The following MAX variants were observed in gnomAD, a reference collection of about 807,000 sequenced individuals.
The protein encoded by MAX is MYC associated transcriptional regulator X.
Under a neutral mutation model 22.3 loss-of-function variants are expected in MAX, and 3 were observed. The ratio of observed to expected loss-of-function variants is 0.13; its 90% CI spans 0.06 to 0.35. MAX has a LOEUF of 0.35. MAX is among the 10% of genes least tolerant of loss of function. The pLI, the probability that MAX is intolerant of heterozygous loss-of-function variation, is 1.00. For missense variants in MAX, 119 were observed against 209.4 expected, an observed-to-expected ratio of 0.57 and a Z score of 2.66; for synonymous variants, 72 against 77.7, an observed-to-expected ratio of 0.93 and a Z score of 0.39.
chr14:65,015,410 CTTTTT>C lies in MAX; in HGVS notation c.172-9131_172-9127del, dbSNP rs888923691. 2.3e-3 allele frequency: 353 copies of C among 155,582 alleles called. 1 individual carries two copies. Among genetic ancestry groups the C allele is most frequent in the Admixed American group, 0.014 (170 of 11,882 alleles). 9.6% of individuals were successfully genotyped at this position (155,582 alleles called of 1,614,324 possible). ...GAACCACCGCGCCCAGCCTTGTTATCTTTTTTTTTTTTTTTTTTTTTTTTAACAGA... is the reference window on the plus strand; with the variant it reads ...GAACCACCGCGCCCAGCCTTGTTATCTTTTTTTTTTTTTTTTTTTAACAGA... On this transcript the variant is annotated intron_variant, in intron 3 of 3. Coordinates refer to the MAX transcript ENST00000341653.
intron 3 of MAX, among the ~76,000 whole-genome samples, chr14:65,064,773 A>G (rs1293097225): frequency 6.6e-6 from 1 of 152,258 alleles, no homozygotes; most frequent in East Asian, 1.9e-4. Context: ...CTCCAAATGC[A>G]AATTAGGATT....
chr14:65,053,300 C>G, intron 3 of MAX: 2 of 1,463,270 alleles, frequency 1.4e-6, no homozygotes, highest in Non-Finnish European at 1.8e-6. Context: ...GGAGTACATC[C>G]TGATGTGCTG....
At chr14:65,101,371 T>C (rs576153156) in intron 2 of MAX, among the ~76,000 whole-genome samples, 175 bp downstream of exon 2, 6 of 152,292 alleles carry the variant, frequency 3.9e-5, no homozygotes, top group Admixed American at 3.9e-4. Context: ...GAATCTAGAA[T>C]AATGGGATTT....
In MAX at chr14:65,047,288, G is replaced by A. The variant is rs1259088011; in HGVS notation, c.172-41004C>T. ...TACAGATGAGGAAACAAACTACAGTGAGGTTAAGTGATTGCTTTATAATAC... is the reference window on the plus strand; with the variant it reads ...TACAGATGAGGAAACAAACTACAGTAAGGTTAAGTGATTGCTTTATAATAC... On this transcript the variant is annotated intron_variant, in intron 3 of 3. Coordinates refer to the MAX transcript ENST00000341653. The surrounding 1 kb of genome is among the most constrained non-coding windows in gnomAD (Gnocchi z 5.2). Among the ~76,000 whole-genome samples, 1 of 152,216 alleles carries A rather than the reference G, an allele frequency of 6.6e-6. No homozygotes were observed. Among genetic ancestry groups the A allele is most frequent in the Non-Finnish European group, 1.5e-5 (1 of 68,046 alleles).
In MAX at chr14:65,027,030, A is replaced by C. The variant is rs953620048; in HGVS notation, c.172-20746T>G. Among the ~76,000 whole-genome samples the C allele has an allele frequency of 1.3e-5, 2 of 152,170 alleles. No homozygotes were observed. The highest frequency in any genetic ancestry group is 4.8e-5 in the African/African-American group (2 of 41,442). On this transcript the variant is annotated intron_variant, in intron 3 of 3. Coordinates refer to the MAX transcript ENST00000341653. This position sits in a 1 kb window ranked among gnomAD's most constrained non-coding sequence, Gnocchi z 5.7. ...TGGTTAGTGTGGAAAGAAGCAGTTGAGCACCATGTTTTGGCAAAATTCAAA... is the reference window on the plus strand; with the variant it reads ...TGGTTAGTGTGGAAAGAAGCAGTTGCGCACCATGTTTTGGCAAAATTCAAA...
At chr14:65,034,610 G>C (rs2062150588) in intron 3 of MAX, among the ~76,000 whole-genome samples, 4 of 152,222 alleles carry the variant, frequency 2.6e-5, no homozygotes, top group Admixed American at 2.6e-4. Context: ...AGCTATAGTT[G>C]AGAGCTGGAG....
chr14:65,077,397 G>C lies in MAX; in HGVS notation c.295+516C>G. The C allele has an allele frequency of 6.2e-7, 1 of 1,613,774 alleles. No individual in the cohort carries two copies. Among genetic ancestry groups the C allele is most frequent in the South Asian group, 1.1e-5 (1 of 91,070 alleles). On this transcript the variant is annotated intron_variant, in intron 4 of 4. Transcript: ENST00000358664. This position sits in a 1 kb window ranked among gnomAD's most constrained non-coding sequence, Gnocchi z 6.3. ...GGAGGAAGAGAAGTGAATTCCCCAG[G>C]AACAAAGAACTTGATCAGCTCTCGC...
intron 3 of MAX, among the ~76,000 whole-genome samples, chr14:65,043,217 T>A (rs1245273103): frequency 1.3e-5 from 2 of 152,178 alleles, no homozygotes; most frequent in East Asian, 3.8e-4. Context: ...GCCAGTTGGT[T>A]CTGCTCATTC....
downstream of MAX, among the ~76,000 whole-genome samples, chr14:65,071,644 T>C (rs563986839): frequency 4.6e-5 from 7 of 152,364 alleles, no homozygotes; most frequent in South Asian, 1.4e-3. This position sits in a 1 kb window ranked among gnomAD's most constrained non-coding sequence, Gnocchi z 4.2. Flanking sequence ...CAGAGCAATG[T>C]CACCCCAAAG....
chr14:65,097,260 C>T (rs1405048995), intron 2 of MAX, among the ~76,000 whole-genome samples: 1 of 152,196 alleles, frequency 6.6e-6, no homozygotes, highest in African/African-American at 2.4e-5. Context: ...CAAGAAGTTG[C>T]TATGTTGGCA....
rs71123901 is a variant in MAX, at chr14:65,020,733, CT to C, written c.172-14450del. ...ACAGGCATGAGCCACCGCGCCCGGCCTTTTTTTTTTTTTTTTGAGACGGAGT... is the reference window on the plus strand; with the variant it reads ...ACAGGCATGAGCCACCGCGCCCGGCCTTTTTTTTTTTTTTTGAGACGGAGT... On this transcript the variant is annotated intron_variant, in intron 3 of 3. Coordinates refer to the MAX transcript ENST00000341653. Among the ~76,000 whole-genome samples, 425 of 123,320 alleles carry C rather than the reference CT, an allele frequency of 3.4e-3. 1 individual carries two copies. Among genetic ancestry groups the C allele is most frequent in the African/African-American group, 0.01 (340 of 33,178 alleles). The allele number at this position is 123,320 out of a possible 152,430, so 80.9% of individuals were successfully genotyped here. A position where few individuals can be genotyped will look rare whatever the true frequency, so the allele number is the denominator to read the frequency against.
intron 3 of MAX, among the ~76,000 whole-genome samples, chr14:65,036,167 T>A (rs906502521): frequency 2.6e-5 from 4 of 152,168 alleles, no homozygotes; most frequent in African/African-American, 9.7e-5. Flanking sequence ...TTGGACAAGT[T>A]ATTCCACTGC....
intron 2 of MAX, 91 bp downstream of exon 2, chr14:65,101,455 A>G: frequency 5.1e-6 from 6 of 1,178,732 alleles, no homozygotes; most frequent in Non-Finnish European, 7.4e-6. Context: ...TACAATATTA[A>G]AAGTAATAGT....
chr14:65,050,093 G>A (rs2062573564), intron 3 of MAX, among the ~76,000 whole-genome samples: 2 of 152,042 alleles, frequency 1.3e-5, no homozygotes, highest in Non-Finnish European at 1.5e-5. Flanking sequence ...GTAGACAAGG[G>A]GCAAGTATAA....
chr14:65,044,581 C>T lies in MAX; in HGVS notation c.172-38297G>A. 1 of 1,294,040 alleles carries T rather than the reference C, an allele frequency of 7.7e-7. No homozygotes were observed. The highest frequency in any genetic ancestry group is 1.7e-5 in the South Asian group (1 of 60,002). The allele number at this position is 1,294,040 out of a possible 1,614,324, so 80.2% of individuals were successfully genotyped here. On this transcript the variant is annotated intron_variant, in intron 3 of 3. Coordinates refer to the MAX transcript ENST00000341653. The surrounding 1 kb of genome is among the most constrained non-coding windows in gnomAD (Gnocchi z 5.5). ...GGATTTTGAGTGCCCAGTGTGGAACCTCATGCCGTGGGGCATGCGAATGCA... is the reference window on the plus strand; with the variant it reads ...GGATTTTGAGTGCCCAGTGTGGAACTTCATGCCGTGGGGCATGCGAATGCA...
At chr14:65,089,899 A>C (rs1435169579) in intron 3 of MAX, 1 of 152,036 alleles carries the variant, frequency 6.6e-6, no homozygotes, top group Non-Finnish European at 1.5e-5. Context: ...CAGTGGAACA[A>C]CAGTGGAACT....
At chr14:65,091,739 A>C (rs908052968) in intron 3 of MAX, 3 of 152,256 alleles carry the variant, frequency 2.0e-5, no homozygotes, top group African/African-American at 7.2e-5. Flanking sequence ...CTTCTCTGCC[A>C]TAATTAAAAT....
At position 65,032,589 on chromosome 14, in the gene MAX, T is replaced by C. The variant is rs780351419; in HGVS notation, c.172-26305A>G. 1.4e-5 allele frequency: 23 copies of C among 1,611,714 alleles called. No individual in the cohort carries two copies. The highest frequency in any genetic ancestry group is 1.7e-6 in the Non-Finnish European group (2 of 1,179,560). On this transcript the variant is annotated intron_variant, in intron 3 of 3. Transcript: ENST00000341653. The surrounding 1 kb of genome is among the most constrained non-coding windows in gnomAD (Gnocchi z 5.0). ...AGCTCTTCCGTAGAGCTTAATGTGT[T>C]TCCCGTTTCTGTCTTTCCAGAAGCG... is the stretch of plus-strand genomic sequence containing the variant.
Position 65,084,815 on chromosome 14 carries a change from AT to A in MAX, c.172-6780del, listed in dbSNP as rs1337416810. Among the ~76,000 whole-genome samples, 24 of 152,346 alleles carry A rather than the reference AT, an allele frequency of 1.6e-4. No individual in the cohort carries two copies. The highest frequency in any genetic ancestry group is 5.5e-4 in the African/African-American group (23 of 41,580). On this transcript the variant is annotated intron_variant, in intron 3 of 4. Transcript: ENST00000358664. The surrounding 1 kb of genome is among the most constrained non-coding windows in gnomAD (Gnocchi z 4.3). ...ATGTAGATGAAGAGACCAGGAAGGA[AT>A]ACACAAATTGATAACACTATATTTC... is the stretch of plus-strand genomic sequence containing the variant.
Sources: gnomAD v4.1 joint callset for allele counts (sites outside exome capture counted in the v4.1 genomes callset) on GRCh38, gnomAD v4.1.1 for gene constraint, Gnocchi (gnomAD v3.1) non-coding constraint, MANE v1.5 for transcripts, NCBI Gene and HGNC (gene_info 2026-07-23, HGNC 2026-07-21) for gene names.